CATSPERT: variants seen among roughly 807,000 people sequenced by gnomAD.
The protein encoded by CATSPERT is cation channel sperm-associated targeting subunit tau.
chr2:201,573,370 T>C, the CATSPERT span, among the ~76,000 whole-genome samples: 8,369 of 152,246 alleles, frequency 0.055, 280 homozygotes, highest in African/African-American at 0.08. Context: ...GATGTTGAAA[T>C]AACTGTGGAG....
chr2:201,519,616 G>T, the CATSPERT span, among the ~76,000 whole-genome samples: 1 of 151,678 alleles, frequency 6.6e-6, no homozygotes, highest in African/African-American at 2.4e-5. Context: ...GAAATCAGGG[G>T]AAAAATCATG....
the CATSPERT span, among the ~76,000 whole-genome samples, chr2:201,589,258 TA>T: frequency 1.3e-5 from 2 of 152,160 alleles, no homozygotes; most frequent in Non-Finnish European, 2.9e-5. Flanking sequence ...AAAACTACTT[TA>T]AAATTCATAT....
chr2:201,494,090 T>C, the CATSPERT span: 1 of 1,535,192 alleles, frequency 6.5e-7, no homozygotes. Flanking sequence ...TTTTTAATTA[T>C]TTGACTTAAA....
the CATSPERT span, among the ~76,000 whole-genome samples, chr2:201,595,050 C>T: frequency 3.3e-5 from 5 of 152,160 alleles, no homozygotes; most frequent in Admixed American, 6.5e-5. Flanking sequence ...GGAGGAGAGG[C>T]GCTCTGTTTT....
At chr2:201,545,041 C>T in the CATSPERT span, among the ~76,000 whole-genome samples, 4 of 151,510 alleles carry the variant, frequency 2.6e-5, no homozygotes, top group African/African-American at 7.3e-5. Context: ...AACATTAAAA[C>T]GTCTTTTTTT....
At chr2:201,520,848 C>T in the CATSPERT span, among the ~76,000 whole-genome samples, 1 of 148,652 alleles carries the variant, frequency 6.7e-6, no homozygotes, top group Non-Finnish European at 1.5e-5. Flanking sequence ...AAGATCGTGC[C>T]ACTGCACTCC....
At chr2:201,492,474 C>A in the CATSPERT span, 1 of 1,534,342 alleles carries the variant, frequency 6.5e-7, no homozygotes, top group Admixed American at 2.0e-5. Context: ...TTATTTCAAA[C>A]CTTCTACCAA....
At chr2:201,592,270 T>C in the CATSPERT span, among the ~76,000 whole-genome samples, 9 of 149,616 alleles carry the variant, frequency 6.0e-5, no homozygotes, top group African/African-American at 2.2e-4. Flanking sequence ...TCTGTTTATA[T>C]GCTGGATTAC....
the CATSPERT span, among the ~76,000 whole-genome samples, chr2:201,591,163 A>G: frequency 5.9e-5 from 9 of 152,116 alleles, no homozygotes; most frequent in Non-Finnish European, 1.3e-4. Flanking sequence ...ATTTTTGTAT[A>G]AGGTGTAAGG....
At chr2:201,530,411 T>C in the CATSPERT span, among the ~76,000 whole-genome samples, 1 of 152,216 alleles carries the variant, frequency 6.6e-6, no homozygotes, top group Non-Finnish European at 1.5e-5. Context: ...AGTGGAATAC[T>C]ACGCAGCCTT....
the CATSPERT span, among the ~76,000 whole-genome samples, chr2:201,542,260 T>C: frequency 1.3e-5 from 2 of 152,204 alleles, no homozygotes; most frequent in African/African-American, 4.8e-5. Flanking sequence ...CCACATTTTG[T>C]TTATTCATTC....
At chr2:201,487,617 AT>A in the CATSPERT span, 1 of 1,610,140 alleles carries the variant, frequency 6.2e-7, no homozygotes, top group Middle Eastern at 1.7e-4. Flanking sequence ...ATTTTTCAAT[AT>A]CCTCTTTTAA....
chr2:201,584,098 C>A, the CATSPERT span, among the ~76,000 whole-genome samples: 2 of 151,698 alleles, frequency 1.3e-5, no homozygotes, highest in African/African-American at 4.8e-5. Flanking sequence ...ATACTAGCCT[C>A]GGCAACATGG....
chr2:201,615,944 G>C, the CATSPERT span, among the ~76,000 whole-genome samples: 27 of 152,136 alleles, frequency 1.8e-4, no homozygotes, highest in Non-Finnish European at 2.6e-4. Context: ...TGCAAATAAA[G>C]TAGAAAATCT....
the CATSPERT span, among the ~76,000 whole-genome samples, chr2:201,506,138 G>T: frequency 6.6e-6 from 1 of 152,074 alleles, no homozygotes; most frequent in Non-Finnish European, 1.5e-5. Flanking sequence ...GCGGTGGCAG[G>T]CGCCTGTAGT....
chr2:201,547,733 A>G, the CATSPERT span: 1 of 527,390 alleles, frequency 1.9e-6, no homozygotes, highest in Non-Finnish European at 3.2e-6. Flanking sequence ...AGACAAACCA[A>G]CAATATATTG....
the CATSPERT span, among the ~76,000 whole-genome samples, chr2:201,608,686 G>A: frequency 2.0e-5 from 3 of 151,862 alleles, no homozygotes; most frequent in East Asian, 1.9e-4. Context: ...GCATGGTGGC[G>A]AGTTCCTACA....
the CATSPERT span, among the ~76,000 whole-genome samples, chr2:201,591,915 A>G: frequency 3.3e-5 from 5 of 151,952 alleles, no homozygotes; most frequent in African/African-American, 1.2e-4. Flanking sequence ...TAGATATACA[A>G]TCATGTCGTC....
the CATSPERT span, among the ~76,000 whole-genome samples, chr2:201,601,273 A>T: frequency 4.8e-5 from 2 of 41,806 alleles, no homozygotes; most frequent in East Asian, 7.7e-4. Flanking sequence ...TAAGGATGAT[A>T]GTGTGTGTGT....
Sources: gnomAD v4.1 joint callset for allele counts (sites outside exome capture counted in the v4.1 genomes callset) on GRCh38, gnomAD v4.1.1 for gene constraint, MANE v1.5 for transcripts, NCBI Gene and HGNC (gene_info 2026-07-23, HGNC 2026-07-21) for gene names.